Variants in AIG1 observed in about 807,000 individuals in gnomAD.
AIG1 encodes the protein androgen-induced gene 1 protein.
A neutral mutation model predicts 31.4 loss-of-function variants in AIG1; 23 were observed. That is an observed-to-expected ratio of 0.73 (90% CI 0.53 to 1.04). AIG1 has a LOEUF of 1.04. AIG1 is among the 50% of genes least tolerant of loss of function. The pLI, the probability that AIG1 is intolerant of heterozygous loss-of-function variation, is 0.00. For synonymous variants in AIG1, 100 were observed against 110.5 expected (o/e 0.90, Z 0.60); for missense variants, 274 against 295.0 (o/e 0.93, Z 0.52).
intron 3 of AIG1, among the ~76,000 whole-genome samples, chr6:143,238,975 A>G (rs1261987444): frequency 6.6e-6 from 1 of 152,222 alleles, no homozygotes; most frequent in African/African-American, 2.4e-5. Context: ...GGGGCAGCCT[A>G]AAAGAACCTC....
intron 4 of AIG1, among the ~76,000 whole-genome samples, chr6:143,296,407 G>C (rs991704689): frequency 1.3e-5 from 2 of 152,166 alleles, no homozygotes; most frequent in Non-Finnish European, 2.9e-5. Flanking sequence ...CCTTCTTGGT[G>C]TCTTTGAGAG....
At chr6:143,273,626 G>A (rs139278329) in intron 3 of AIG1, among the ~76,000 whole-genome samples, 14 of 152,300 alleles carry the variant, frequency 9.2e-5, no homozygotes, top group East Asian at 3.9e-4. Flanking sequence ...ATAGTTCCAC[G>A]TGACTGCGGA....
intron 3 of AIG1, among the ~76,000 whole-genome samples, chr6:143,253,814 G>A (rs542348643): frequency 1.1e-4 from 17 of 152,216 alleles, no homozygotes; most frequent in Middle Eastern, 3.4e-3. Context: ...CCCCTATCAC[G>A]AAGTTACTGG....
intron 2 of AIG1, among the ~76,000 whole-genome samples, chr6:143,143,528 A>AAAAAAAAATATATATATAT (rs1554249782): frequency 1.1e-4 from 3 of 27,790 alleles, no homozygotes; most frequent in African/African-American, 9.6e-5. Flanking sequence ...AAAAAAAAAA[A>AAAAAAAAATATATATATAT]ATATATATAT....
intron 2 of AIG1, among the ~76,000 whole-genome samples, chr6:143,142,270 C>T (rs1260590826): frequency 6.6e-6 from 1 of 152,082 alleles, no homozygotes; most frequent in Non-Finnish European, 1.5e-5. Context: ...ACAGGGGTCC[C>T]ACTAAATTTC....
intron 4 of AIG1, among the ~76,000 whole-genome samples, chr6:143,295,111 T>G (rs746521613): frequency 6.6e-6 from 1 of 152,166 alleles, no homozygotes; most frequent in African/African-American, 2.4e-5. Context: ...CAAAACTAGT[T>G]GTTTATGCTG....
intron 3 of AIG1, among the ~76,000 whole-genome samples, chr6:143,239,958 C>T (rs1794117691): frequency 6.6e-6 from 1 of 152,226 alleles, no homozygotes; most frequent in African/African-American, 2.4e-5. Context: ...ATGTATTTAA[C>T]ACTAGAGGTT....
intron 3 of AIG1, among the ~76,000 whole-genome samples, chr6:143,273,131 A>G (rs1796654840): frequency 6.6e-6 from 1 of 152,220 alleles, no homozygotes; most frequent in Non-Finnish European, 1.5e-5. Flanking sequence ...TTCGTCTCAA[A>G]AAAAAATATT....
intron 4 of AIG1, among the ~76,000 whole-genome samples, chr6:143,304,923 A>G (rs1201085390): frequency 2.0e-5 from 3 of 152,296 alleles, no homozygotes; most frequent in Admixed American, 1.3e-4. Context: ...TGGTCTATTC[A>G]GAGATTCAAC....
At chr6:143,259,309 T>G (rs1484192004) in intron 3 of AIG1, among the ~76,000 whole-genome samples, 1 of 152,224 alleles carries the variant, frequency 6.6e-6, no homozygotes, top group African/African-American at 2.4e-5. Context: ...AATAGACATT[T>G]TTTAGTCCTA....
intron 1 of AIG1, among the ~76,000 whole-genome samples, chr6:143,079,547 G>A (rs545594535): frequency 2.0e-5 from 3 of 152,144 alleles, no homozygotes; most frequent in African/African-American, 7.2e-5. Flanking sequence ...TTGATAGGCT[G>A]TAGTCAGCTT....
In AIG1 at chr6:143,111,429, G is replaced by T. The variant is rs77175552; in HGVS notation, c.142-25406G>T. ...TTCTTGATATTTATTCTCCTTTCCT[G>T]GTCTCCTTCCTACCTCTCTGACTCT... is the stretch of plus-strand genomic sequence containing the variant. On this transcript the variant is annotated intron_variant, in intron 1 of 5. Coordinates refer to ENST00000357847, the MANE Select transcript of AIG1 (RefSeq NM_016108.4). Among the ~76,000 whole-genome samples, 25 of 152,140 alleles carry T rather than the reference G, an allele frequency of 1.6e-4. 1 individual carries two copies. In the East Asian group the frequency reaches 4.8e-3, roughly 29 times the overall value.
chr6:143,207,297 T>C (rs990311494), intron 3 of AIG1, among the ~76,000 whole-genome samples: 2 of 152,090 alleles, frequency 1.3e-5, no homozygotes, highest in African/African-American at 4.8e-5. Context: ...ATTCCCATAG[T>C]TGCAAATAAA....
At chr6:143,095,404 C>G (rs754476414) in intron 1 of AIG1, among the ~76,000 whole-genome samples, 1 of 152,170 alleles carries the variant, frequency 6.6e-6, no homozygotes, top group Non-Finnish European at 1.5e-5. Flanking sequence ...TAGCTGGACT[C>G]ATCCTGGCAA....
chr6:143,172,882 G>C (rs530337943), intron 3 of AIG1, among the ~76,000 whole-genome samples: 1 of 152,118 alleles, frequency 6.6e-6, no homozygotes, highest in African/African-American at 2.4e-5. Flanking sequence ...TTGAATGATC[G>C]TTTGTGTTTC....
intron 3 of AIG1, among the ~76,000 whole-genome samples, chr6:143,227,104 A>G (rs543013222): frequency 6.6e-6 from 1 of 151,264 alleles, no homozygotes; most frequent in South Asian, 2.1e-4. Flanking sequence ...AAGATTGGAC[A>G]CCCATGTCCT....
chr6:143,222,037 C>A (rs185542136), intron 3 of AIG1, among the ~76,000 whole-genome samples: 1 of 152,186 alleles, frequency 6.6e-6, no homozygotes. Context: ...AGCAGTTCCT[C>A]GACTCCTGAG....
At chr6:143,132,900 A>G (rs918295319) in intron 1 of AIG1, among the ~76,000 whole-genome samples, 1 of 151,856 alleles carries the variant, frequency 6.6e-6, no homozygotes, top group Non-Finnish European at 1.5e-5. Context: ...ACTTTTGAAT[A>G]TTAACTTTGA....
At chr6:143,185,049 C>T (rs904698524) in intron 3 of AIG1, among the ~76,000 whole-genome samples, 5 of 151,736 alleles carry the variant, frequency 3.3e-5, no homozygotes, top group Admixed American at 6.6e-5. Context: ...TACAAAAATT[C>T]GCTGGGTGTG....
Sources: allele counts gnomAD v4.1 joint callset (sites outside exome capture counted in the v4.1 genomes callset), GRCh38; gene constraint gnomAD v4.1.1; transcripts MANE v1.5; gene names NCBI Gene and HGNC (gene_info 2026-07-23, HGNC 2026-07-21).